The following ULK4 variants were observed in gnomAD, a reference collection of about 807,000 sequenced individuals.
ULK4 encodes the protein unc-51 like kinase 4.
A neutral mutation model predicts 160.6 loss-of-function variants in ULK4; 133 were observed. The ratio of observed to expected loss-of-function variants is 0.83; its 90% confidence interval spans 0.72 to 0.96. ULK4 has a LOEUF of 0.96. Among genes scored for constraint, ULK4 ranks in the 40% least tolerant of loss-of-function variants. The probability of loss-of-function intolerance (pLI) is 0.00; values close to 1 mark genes in which losing one functional copy is unlikely to be tolerated. For synonymous variants in ULK4, 534 were observed against 539.8 expected (o/e 0.99, Z 0.15); for missense variants, 1,580 against 1,499.5 (o/e 1.05, Z -0.89).
chr3:41,766,329 A>G (rs1224107899), intron 21 of ULK4, among the ~76,000 whole-genome samples: 1 of 152,194 alleles, frequency 6.6e-6, no homozygotes, highest in Non-Finnish European at 1.5e-5. Flanking sequence ...TATCTACTAC[A>G]TACTTACTCT....
At chr3:41,851,354 G>C (rs2042208308) in intron 17 of ULK4, among the ~76,000 whole-genome samples, 1 of 152,088 alleles carries the variant, frequency 6.6e-6, no homozygotes. Context: ...TTTGTCTTTG[G>C]TTCTGTTTAT....
At chr3:41,593,629 A>C (rs1272087019) in intron 31 of ULK4, among the ~76,000 whole-genome samples, 1 of 152,234 alleles carries the variant, frequency 6.6e-6, no homozygotes. Context: ...CTAACTATGC[A>C]TATCTCTGGG....
chr3:41,472,525 C>T (rs1447078399), intron 32 of ULK4, among the ~76,000 whole-genome samples: 1 of 149,686 alleles, frequency 6.7e-6, no homozygotes, highest in Non-Finnish European at 1.5e-5. Context: ...GCAGAGATCA[C>T]ACCACTGCAC....
In ULK4 at chr3:41,715,567, AC is replaced by A. The variant is rs1232793883; in HGVS notation, c.2456del (p.Gly819ValfsTer21). Reference sequence around the variant, plus strand: ...CATTAGCCAAGGAGTTAAGAATGTCACCTGTGAAGCACAGCCCAGAGCATAT... The same window carrying A: ...CATTAGCCAAGGAGTTAAGAATGTCACTGTGAAGCACAGCCCAGAGCATAT... ...HIVQELPRIL[G>X]DILNSLANVS... On this transcript the variant is annotated frameshift_variant and splice_region_variant, in exon 24 of 37. Transcript: ENST00000301831. LOFTEE classifies it high-confidence loss of function. 11 of 1,613,964 alleles carry A rather than the reference AC, an allele frequency of 6.8e-6. No individual in the cohort carries two copies.
chr3:41,502,255 A>G (rs775891070), intron 32 of ULK4, among the ~76,000 whole-genome samples: 2 of 152,220 alleles, frequency 1.3e-5, no homozygotes, highest in Non-Finnish European at 2.9e-5. Context: ...CTATTTTTAA[A>G]TTGTTAAGGA....
chr3:41,834,740 A>G (rs2041702793), intron 18 of ULK4, among the ~76,000 whole-genome samples: 1 of 152,216 alleles, frequency 6.6e-6, no homozygotes, highest in Admixed American at 6.5e-5. Flanking sequence ...TGCTAGAACC[A>G]AAACTCAAGA....
chr3:41,808,725 A>G (rs941814756), intron 19 of ULK4, among the ~76,000 whole-genome samples: 2 of 152,226 alleles, frequency 1.3e-5, no homozygotes, highest in African/African-American at 4.8e-5. Context: ...TTTTCTGCCA[A>G]TATAATTTTG....
At chr3:41,511,399 A>G (rs1354789951) in intron 32 of ULK4, among the ~76,000 whole-genome samples, 1 of 152,140 alleles carries the variant, frequency 6.6e-6, no homozygotes, top group Non-Finnish European at 1.5e-5. Flanking sequence ...TAGTGAGATT[A>G]ACCAAGAAAA....
intron 30 of ULK4, among the ~76,000 whole-genome samples, chr3:41,629,747 T>C (rs2033671882): frequency 6.6e-6 from 1 of 152,078 alleles, no homozygotes; most frequent in Non-Finnish European, 1.5e-5. Flanking sequence ...CCCAGCTCTG[T>C]GGGAGGCCAA....
intron 25 of ULK4, among the ~76,000 whole-genome samples, chr3:41,712,744 T>C (rs2037142336): frequency 6.6e-6 from 1 of 151,946 alleles, no homozygotes; most frequent in South Asian, 2.1e-4. Flanking sequence ...TTTTAAAAAT[T>C]AGCCAGGCAT....
At chr3:41,792,764 C>G (rs912320457) in intron 20 of ULK4, among the ~76,000 whole-genome samples, 6 of 152,210 alleles carry the variant, frequency 3.9e-5, no homozygotes, top group Non-Finnish European at 7.3e-5. Flanking sequence ...TTCTGAGCAA[C>G]TGAGAAGATG....
chr3:41,910,704 A>C (rs377275390), intron 11 of ULK4, among the ~76,000 whole-genome samples: 2 of 152,234 alleles, frequency 1.3e-5, no homozygotes, highest in African/African-American at 4.8e-5. Context: ...TTGCCTTCAA[A>C]GCATTAACAA....
chr3:41,946,111 T>C (rs1188482863), intron 2 of ULK4, among the ~76,000 whole-genome samples: 1 of 152,128 alleles, frequency 6.6e-6, no homozygotes, highest in African/African-American at 2.4e-5. Flanking sequence ...GGTGTATTTA[T>C]TTTATGAAAA....
intron 29 of ULK4, among the ~76,000 whole-genome samples, chr3:41,671,902 CA>C (rs1387990799): frequency 6.6e-6 from 1 of 151,856 alleles, no homozygotes; most frequent in Non-Finnish European, 1.5e-5. Flanking sequence ...ATAATAATCC[CA>C]TTTAAAAGTG....
Position 41,624,824 on chromosome 3 carries a change from T to C in ULK4, c.3072-9107A>G, listed in dbSNP as rs577237078. ...TGTACATATGCTGCGTTTTTTTCTA[T>C]TCATTCATCCAGTGATGGTCATTTA... is the stretch of plus-strand genomic sequence containing the variant. On this transcript the variant is annotated intron_variant, in intron 30 of 36. Coordinates refer to ENST00000301831, the MANE Select transcript of ULK4 (RefSeq NM_017886.4). Among the ~76,000 whole-genome samples, 20 of 152,338 alleles carry C rather than the reference T, an allele frequency of 1.3e-4. 1 individual carries two copies. In the East Asian group the frequency reaches 3.9e-3, roughly 29 times the overall value.
chr3:41,427,871 T>C (rs1208159082), intron 34 of ULK4, among the ~76,000 whole-genome samples: 1 of 151,762 alleles, frequency 6.6e-6, no homozygotes. Context: ...AAGACAAGGA[T>C]GCCCTCACTC....
intron 18 of ULK4, among the ~76,000 whole-genome samples, chr3:41,827,711 A>G (rs2125641924): frequency 6.6e-6 from 1 of 152,324 alleles, no homozygotes; most frequent in South Asian, 2.1e-4. Context: ...GCCAAAATCT[A>G]CCAGAGGTAC....
intron 32 of ULK4, among the ~76,000 whole-genome samples, chr3:41,561,456 T>C (rs148634544): frequency 1.8e-4 from 27 of 152,354 alleles, no homozygotes; most frequent in African/African-American, 5.8e-4. Flanking sequence ...CTCCTCTTTG[T>C]ACCTCTGGTA....
chr3:41,881,022 G>C (rs1458692085), intron 17 of ULK4, among the ~76,000 whole-genome samples: 1 of 151,958 alleles, frequency 6.6e-6, no homozygotes, highest in East Asian at 1.9e-4. Flanking sequence ...GAGAATTTAG[G>C]ATTCATCTTA....
Sources: allele counts gnomAD v4.1 joint callset (sites outside exome capture counted in the v4.1 genomes callset), GRCh38; gene constraint gnomAD v4.1.1; transcripts MANE v1.5; gene names NCBI Gene and HGNC (gene_info 2026-07-23, HGNC 2026-07-21).